Variants in AGBL4 observed in about 807,000 individuals in gnomAD.
AGBL4 encodes the protein cytosolic carboxypeptidase 6.
In AGBL4, 58 loss-of-function variants were observed where a neutral mutation model predicts 66.4. The ratio of observed to expected loss-of-function variants is 0.87; its 90% CI spans 0.71 to 1.09. AGBL4 has a LOEUF of 1.09. Ranked by LOEUF, AGBL4 falls within the 50% of genes least tolerant of loss-of-function variation. The probability of loss-of-function intolerance (pLI) is 0.00; values close to 1 mark genes in which losing one functional copy is unlikely to be tolerated. For missense variants in AGBL4, 579 were observed against 631.0 expected, an observed-to-expected ratio of 0.92 and a Z score of 0.88; for synonymous variants, 234 against 222.9, an observed-to-expected ratio of 1.05 and a Z score of -0.44.
At chr1:48,615,708 C>T (rs1461173591) in intron 9 of AGBL4, among the ~76,000 whole-genome samples, 2 of 152,124 alleles carry the variant, frequency 1.3e-5, no homozygotes, top group Middle Eastern at 3.2e-3. Flanking sequence ...TACCCTGGAC[C>T]CAAAAGTTTG....
At chr1:49,342,887 C>G (rs1420187572) in intron 3 of AGBL4, among the ~76,000 whole-genome samples, 32 of 152,174 alleles carry the variant, frequency 2.1e-4, no homozygotes. Flanking sequence ...GGTTAAGTCA[C>G]AACCTTAGTT....
At chr1:48,973,747 G>A (rs983543469) in intron 5 of AGBL4, among the ~76,000 whole-genome samples, 2 of 152,052 alleles carry the variant, frequency 1.3e-5, no homozygotes, top group South Asian at 2.1e-4. Context: ...GCATTTATTC[G>A]ATGACTTCAA....
At chr1:49,515,737 A>G (rs1241178960) in intron 3 of AGBL4, among the ~76,000 whole-genome samples, 2 of 151,762 alleles carry the variant, frequency 1.3e-5, no homozygotes, top group East Asian at 1.9e-4. Context: ...TGTCCTCTGT[A>G]GGGACATGGA....
chr1:49,356,320 T>C (rs1644019249), intron 3 of AGBL4, among the ~76,000 whole-genome samples: 1 of 152,220 alleles, frequency 6.6e-6, no homozygotes, highest in Non-Finnish European at 1.5e-5. Flanking sequence ...TGTTGGATGT[T>C]CTGATAAACG....
At chr1:48,932,976 T>C (rs1032378408) in intron 5 of AGBL4, among the ~76,000 whole-genome samples, 1 of 152,110 alleles carries the variant, frequency 6.6e-6, no homozygotes, top group Non-Finnish European at 1.5e-5. Context: ...GAAAAAGACT[T>C]CATTTTTTTC....
chr1:48,657,715 C>G (rs76333221), intron 7 of AGBL4, among the ~76,000 whole-genome samples: 4 of 152,112 alleles, frequency 2.6e-5, no homozygotes, highest in Non-Finnish European at 5.9e-5. Flanking sequence ...CCTGCAACCC[C>G]GAGAGCATCA....
chr1:49,833,765 G>A (rs1236735623), intron 2 of AGBL4, among the ~76,000 whole-genome samples: 1 of 152,064 alleles, frequency 6.6e-6, no homozygotes, highest in Non-Finnish European at 1.5e-5. Context: ...ATTGTGAATG[G>A]GAGTTCACTC....
chr1:48,835,855 C>T (rs1025273087), intron 6 of AGBL4, among the ~76,000 whole-genome samples: 4 of 152,110 alleles, frequency 2.6e-5, no homozygotes, highest in Admixed American at 1.3e-4. Flanking sequence ...TCACAGAAAC[C>T]ATGTAAATCA....
At chr1:49,757,639 A>G (rs941513855) in intron 2 of AGBL4, among the ~76,000 whole-genome samples, 5 of 152,148 alleles carry the variant, frequency 3.3e-5, no homozygotes, top group African/African-American at 1.2e-4. Context: ...TGAGAAATGG[A>G]GCAAAGGTGA....
At chr1:49,420,217 G>T (rs955915693) in intron 3 of AGBL4, among the ~76,000 whole-genome samples, 1 of 152,104 alleles carries the variant, frequency 6.6e-6, no homozygotes, top group Non-Finnish European at 1.5e-5. Flanking sequence ...TGATAAAGAT[G>T]AAAAGGCATG....
At chr1:49,747,259 G>C (rs1651058773) in intron 2 of AGBL4, among the ~76,000 whole-genome samples, 2 of 152,100 alleles carry the variant, frequency 1.3e-5, no homozygotes, top group African/African-American at 4.8e-5. Context: ...TTCTATGACT[G>C]TCCTTTGCTC....
intron 5 of AGBL4, among the ~76,000 whole-genome samples, chr1:48,966,733 T>C (rs548205808): frequency 1.6e-4 from 25 of 152,054 alleles, no homozygotes; most frequent in Admixed American, 9.2e-4. Context: ...TTTTTTTTTC[T>C]ACCAGGAGTC....
chr1:49,874,674 G>T (rs530149375), intron 1 of AGBL4, among the ~76,000 whole-genome samples: 54 of 152,106 alleles, frequency 3.6e-4, no homozygotes, highest in Admixed American at 3.5e-3. Context: ...TTATTCTACA[G>T]AGTAACTTTA....
intron 5 of AGBL4, among the ~76,000 whole-genome samples, chr1:49,042,287 T>G (rs1241598746): frequency 6.6e-6 from 1 of 152,112 alleles, no homozygotes; most frequent in East Asian, 1.9e-4. Flanking sequence ...TCTGACTTTA[T>G]AGGTGAAAAA....
intron 5 of AGBL4, among the ~76,000 whole-genome samples, chr1:48,876,069 G>A (rs988274464): frequency 2.6e-5 from 4 of 152,162 alleles, no homozygotes; most frequent in African/African-American, 9.7e-5. Context: ...CACAACTCAA[G>A]TGTGATCTTT....
At chr1:48,569,024 C>A (rs949197667) in intron 11 of AGBL4, among the ~76,000 whole-genome samples, 1 of 152,150 alleles carries the variant, frequency 6.6e-6, no homozygotes, top group Non-Finnish European at 1.5e-5. Context: ...AAATGAATGG[C>A]CAGTGTCTGG....
intron 2 of AGBL4, among the ~76,000 whole-genome samples, chr1:49,790,587 T>C (rs1393798108): frequency 6.6e-6 from 1 of 152,068 alleles, no homozygotes; most frequent in African/African-American, 2.4e-5. Flanking sequence ...TATACAGCAA[T>C]TGAATAATGC....
At chr1:48,762,491 T>C (rs940593039) in intron 6 of AGBL4, among the ~76,000 whole-genome samples, 2 of 152,316 alleles carry the variant, frequency 1.3e-5, no homozygotes. Context: ...CTTTAGAGAT[T>C]GCTGTTTCTC....
At chr1:48,771,519 C>G (rs1278676980) in intron 6 of AGBL4, among the ~76,000 whole-genome samples, 2 of 152,136 alleles carry the variant, frequency 1.3e-5, no homozygotes, top group African/African-American at 2.4e-5. Flanking sequence ...TTAGACTGAA[C>G]CCTCAATGGT....
Sources: gnomAD v4.1 joint callset for allele counts (sites outside exome capture counted in the v4.1 genomes callset) on GRCh38, gnomAD v4.1.1 for gene constraint, MANE v1.5 for transcripts, NCBI Gene and HGNC (gene_info 2026-07-23, HGNC 2026-07-21) for gene names.